Variants in UBR1 observed in about 807,000 individuals in gnomAD.
UBR1 encodes E3 ubiquitin-protein ligase UBR1.
Under a neutral mutation model 242.1 loss-of-function variants are expected in UBR1, and 102 were observed. The ratio of observed to expected loss-of-function variants is 0.42; its 90% CI spans 0.36 to 0.50. UBR1 has a LOEUF of 0.50. Ranked by LOEUF, UBR1 falls within the 20% of genes least tolerant of loss-of-function variation. The pLI is 0.01. For missense variants in UBR1, 1,772 were observed against 2,101.8 expected (o/e 0.84, Z 3.07); for synonymous variants, 675 against 684.8 (o/e 0.99, Z 0.22).
At chr15:43,068,281 C>T (rs1172972283) in intron 5 of UBR1, among the ~76,000 whole-genome samples, 1 of 149,848 alleles carries the variant, frequency 6.7e-6, no homozygotes, top group African/African-American at 2.5e-5. Context: ...CACTCCCTTC[C>T]AGGCTCAAGC....
chr15:43,038,342 C>T, intron 15 of UBR1, 110 bp from the exon 16 acceptor site: 3 of 1,037,986 alleles, frequency 2.9e-6, no homozygotes, highest in Non-Finnish European at 4.5e-6. Flanking sequence ...GGCGCGGTGG[C>T]TCATGCCTGT....
chr15:42,952,805 G>A (rs1282521944), intron 44 of UBR1, among the ~76,000 whole-genome samples: 5 of 152,284 alleles, frequency 3.3e-5, no homozygotes, highest in African/African-American at 1.2e-4. Context: ...CCTCTGTATT[G>A]TGTTAGTCAA....
chr15:43,105,641 C>G (rs1305874752), intron 1 of UBR1, among the ~76,000 whole-genome samples: 1 of 152,192 alleles, frequency 6.6e-6, no homozygotes, highest in Non-Finnish European at 1.5e-5. Flanking sequence ...CTTGCTCCAA[C>G]CCCGCCTCGG....
chr15:42,986,676 T>C (rs1047883651), intron 35 of UBR1, among the ~76,000 whole-genome samples: 9 of 152,236 alleles, frequency 5.9e-5, no homozygotes, highest in African/African-American at 1.9e-4. Flanking sequence ...TGTATTATCC[T>C]ATACCCATGA....
At chr15:42,966,411 A>G (rs1011205286) in intron 40 of UBR1, 125 bp from the exon 41 acceptor site, 1 of 1,347,096 alleles carries the variant, frequency 7.4e-7, no homozygotes. Context: ...TGCAATTTTT[A>G]AACATTTAAA....
rs562022505 is a variant in UBR1 at position 42,978,713 on chromosome 15, ATTTCT to A, written c.4151-771_4151-767del. On this transcript the variant is annotated intron_variant, in intron 37 of 46. Transcript: ENST00000290650. Reference sequence around the variant, plus strand: ...AGAAGACTCTTTTCAGACTAGGTAAATTTCTTTTCTTTTCTTTTCTTTTTTTTTTT... The same window carrying A: ...AGAAGACTCTTTTCAGACTAGGTAAATTTCTTTTCTTTTCTTTTTTTTTTT... Among the ~76,000 whole-genome samples the A allele has an allele frequency of 9.3e-3, 1,404 of 151,020 alleles. 9 individuals are homozygous for A. The highest frequency in any genetic ancestry group is 0.014 in the Non-Finnish European group (970 of 67,750).
At chr15:43,073,713 A>G (rs993605899) in intron 4 of UBR1, among the ~76,000 whole-genome samples, 2 of 152,158 alleles carry the variant, frequency 1.3e-5, no homozygotes, top group Non-Finnish European at 2.9e-5. Flanking sequence ...TTGGTTATTT[A>G]TTGTTTTTTC....
intron 1 of UBR1, among the ~76,000 whole-genome samples, chr15:43,095,734 G>C (rs2034152037): frequency 6.6e-6 from 1 of 152,174 alleles, no homozygotes; most frequent in Non-Finnish European, 1.5e-5. Context: ...AAAAGCTTAA[G>C]GAAAATTATT....
intron 19 of UBR1, among the ~76,000 whole-genome samples, chr15:43,035,339 G>A (rs1335910966): frequency 2.0e-5 from 3 of 152,154 alleles, no homozygotes; most frequent in Non-Finnish European, 4.4e-5. Context: ...GATTATATAT[G>A]TGTATATATG....
chr15:43,032,383 A>C (rs2033268554), intron 20 of UBR1, among the ~76,000 whole-genome samples, 185 bp downstream of exon 20: 2 of 152,354 alleles, frequency 1.3e-5, no homozygotes, highest in South Asian at 4.1e-4. Context: ...AGGACCTCCA[A>C]ATAAGTCAAA....
At position 43,054,808 on chromosome 15, in the gene UBR1, T is replaced by A; in HGVS notation, c.1373A>T (p.Lys458Ile). ...VLPEYLDRNN[K>I]FNFQGYSQDK... ...CTGGCTATAACCCTGGAAGTTGAAT[T>A]TATTGTTCCTGTCCAAGTACTCAGG... Residue 458 changes from lysine to isoleucine, a missense_variant, in exon 12 of 47, where the codon AAA becomes ATA. Transcript: ENST00000290650. 6.2e-7 allele frequency: 1 copy of A among 1,614,130 alleles called. No homozygotes were observed. Among genetic ancestry groups the A allele is most frequent in the Non-Finnish European group, 8.5e-7 (1 of 1,180,000 alleles).
chr15:42,968,473 C>A (rs1180122116), intron 40 of UBR1, among the ~76,000 whole-genome samples: 1 of 151,656 alleles, frequency 6.6e-6, no homozygotes, highest in African/African-American at 2.4e-5. Flanking sequence ...AATCCTCCTG[C>A]CTTGGCCTCT....
intron 39 of UBR1, among the ~76,000 whole-genome samples, chr15:42,972,936 G>A (rs1283529069): frequency 6.6e-6 from 1 of 152,210 alleles, no homozygotes; most frequent in Non-Finnish European, 1.5e-5. Context: ...GTCTTCCAAA[G>A]TGACTGTACC....
chr15:43,072,079 T>G (rs889424033), intron 4 of UBR1, among the ~76,000 whole-genome samples: 1 of 152,172 alleles, frequency 6.6e-6, no homozygotes, highest in Admixed American at 6.5e-5. Context: ...TAGGGTCTCC[T>G]GGCCTCAAGT....
chr15:42,981,719 T>C (rs931536280), intron 37 of UBR1, among the ~76,000 whole-genome samples: 1 of 152,178 alleles, frequency 6.6e-6, no homozygotes, highest in Admixed American at 6.5e-5. Flanking sequence ...CTCGACCTCC[T>C]GACCTCGTGA....
intron 2 of UBR1, among the ~76,000 whole-genome samples, chr15:43,084,799 G>A (rs1222395561): frequency 6.6e-6 from 1 of 152,134 alleles, no homozygotes; most frequent in Non-Finnish European, 1.5e-5. Context: ...AAGAAAGATA[G>A]TATGTTCTAA....
intron 1 of UBR1, among the ~76,000 whole-genome samples, chr15:43,101,565 C>T (rs1209174666): frequency 6.6e-6 from 1 of 152,154 alleles, no homozygotes; most frequent in Non-Finnish European, 1.5e-5. Context: ...TGCGATGGCT[C>T]ACATCTGTAA....
At chr15:43,038,104 C>G in intron 16 of UBR1, 67 bp downstream of exon 16, 1 of 1,544,526 alleles carries the variant, frequency 6.5e-7, no homozygotes, top group Non-Finnish European at 8.9e-7. Flanking sequence ...ATCTCCTTCT[C>G]GTCCATCAAC....
chr15:43,059,847 C>T (rs1325738874), intron 7 of UBR1, 22 bp from the exon 8 acceptor site: 1 of 1,612,030 alleles, frequency 6.2e-7, no homozygotes, highest in East Asian at 2.2e-5. Flanking sequence ...GGGAACGAAC[C>T]AAAAAAATAG....
Sources: allele counts gnomAD v4.1 joint callset (sites outside exome capture counted in the v4.1 genomes callset), GRCh38; gene constraint gnomAD v4.1.1; transcripts MANE v1.5; gene names NCBI Gene and HGNC (gene_info 2026-07-23, HGNC 2026-07-21).